OLFM3: variants seen among roughly 807,000 people sequenced by gnomAD.
The protein encoded by OLFM3 is noelin-3.
Under a neutral mutation model 48.6 loss-of-function variants are expected in OLFM3, and 20 were observed. The observed-to-expected ratio is 0.41, with a 90% CI of 0.29 to 0.60. The LOEUF is 0.60. Among genes scored for constraint, OLFM3 ranks in the 20% least tolerant of loss-of-function variants. The probability of loss-of-function intolerance (pLI) is 0.28; values close to 1 mark genes in which losing one functional copy is unlikely to be tolerated. For synonymous variants in OLFM3, 222 were observed against 198.1 expected (o/e 1.12, Z -1.01); for missense variants, 437 against 544.3 (o/e 0.80, Z 1.96).
chr1:101,828,364 A>C (rs1436926691), intron 3 of OLFM3, among the ~76,000 whole-genome samples: 6 of 152,186 alleles, frequency 3.9e-5, no homozygotes, highest in Non-Finnish European at 4.4e-5. Flanking sequence ...TATACCTTGA[A>C]TATGTATAAT....
At chr1:101,886,986 G>C (rs955829164) in intron 1 of OLFM3, among the ~76,000 whole-genome samples, 3 of 151,820 alleles carry the variant, frequency 2.0e-5, no homozygotes, top group Non-Finnish European at 4.4e-5. Context: ...AAATCTTGAG[G>C]GGAATTAATG....
intron 1 of OLFM3, among the ~76,000 whole-genome samples, chr1:101,973,058 A>G (rs1289501900): frequency 6.6e-6 from 1 of 152,240 alleles, no homozygotes; most frequent in Non-Finnish European, 1.5e-5. Flanking sequence ...AAATAAAAAT[A>G]TAGTGCTATG....
intron 1 of OLFM3, among the ~76,000 whole-genome samples, chr1:101,966,497 C>T (rs2101090352): frequency 6.6e-6 from 1 of 152,242 alleles, no homozygotes. Flanking sequence ...GTAAATGAAT[C>T]CTTTATTAAA....
intron 4 of OLFM3, among the ~76,000 whole-genome samples, chr1:101,810,778 C>T (rs1327591): frequency 0.55 from 83,727 of 151,470 alleles, 23,543 homozygotes; most frequent in East Asian, 0.64. Context: ...CAATCTCTTG[C>T]TCTTTAATTC....
intron 4 of OLFM3, among the ~76,000 whole-genome samples, chr1:101,815,690 G>T (rs1654303754): frequency 6.6e-6 from 1 of 152,270 alleles, no homozygotes; most frequent in Middle Eastern, 3.4e-3. Context: ...TTACTCGGAT[G>T]AAATGACTGA....
intron 1 of OLFM3, among the ~76,000 whole-genome samples, chr1:101,883,259 A>G (rs1657606930): frequency 6.6e-6 from 1 of 150,722 alleles, no homozygotes; most frequent in South Asian, 2.1e-4. Flanking sequence ...AAACCTGAAT[A>G]TTTGTCTGCT....
chr1:101,901,606 C>T (rs943556), intron 1 of OLFM3, among the ~76,000 whole-genome samples: 67,830 of 151,690 alleles, frequency 0.45, 15,342 homozygotes, highest in East Asian at 0.59. Context: ...AGGAGGCTAT[C>T]GAAAAAGTCC....
chr1:101,859,789 G>A (rs11164317), intron 1 of OLFM3: 79,730 of 151,746 alleles, frequency 0.53, 21,837 homozygotes, highest in African/African-American at 0.64. Context: ...ATGTTAAGGT[G>A]CAAATGAATC....
At chr1:101,809,097 G>C (rs1198398722) in intron 4 of OLFM3, among the ~76,000 whole-genome samples, 2 of 151,412 alleles carry the variant, frequency 1.3e-5, no homozygotes, top group African/African-American at 4.8e-5. Flanking sequence ...GATCAATCTA[G>C]AAGCTCCAAC....
chr1:101,942,193 C>T (rs1014463388), intron 1 of OLFM3, among the ~76,000 whole-genome samples: 6 of 152,246 alleles, frequency 3.9e-5, no homozygotes, highest in Non-Finnish European at 7.4e-5. Context: ...CCCAGAATAG[C>T]TACATAGATA....
At chr1:101,922,107 G>A (rs556665692) in intron 1 of OLFM3, among the ~76,000 whole-genome samples, 6 of 152,032 alleles carry the variant, frequency 3.9e-5, no homozygotes, top group Non-Finnish European at 7.4e-5. Context: ...ACACAAGAGA[G>A]GGTGTGGTCT....
At chr1:101,930,972 A>T (rs1659427428) in intron 1 of OLFM3, among the ~76,000 whole-genome samples, 1 of 152,196 alleles carries the variant, frequency 6.6e-6, no homozygotes, top group Non-Finnish European at 1.5e-5. Flanking sequence ...GAGCATTTTA[A>T]AGAAATTGAT....
chr1:101,896,115 C>T (rs1056082082), intron 1 of OLFM3, among the ~76,000 whole-genome samples: 1 of 151,908 alleles, frequency 6.6e-6, no homozygotes. Flanking sequence ...ATTCATTTTA[C>T]TTTACGTAGT....
chr1:101,963,544 ACT>A (rs1660525485), intron 1 of OLFM3, among the ~76,000 whole-genome samples: 1 of 107,484 alleles, frequency 9.3e-6, no homozygotes, highest in Non-Finnish European at 2.0e-5. Context: ...GCCTGGCTTG[ACT>A]CTTTTAGGAG....
chr1:101,969,878 T>A (rs556728326), intron 1 of OLFM3, among the ~76,000 whole-genome samples: 49 of 152,100 alleles, frequency 3.2e-4, no homozygotes, highest in Non-Finnish European at 6.0e-4. Flanking sequence ...TATTTCTAAG[T>A]GGAGACTTGA....
intron 1 of OLFM3, among the ~76,000 whole-genome samples, chr1:101,962,486 G>T (rs1660495630): frequency 6.6e-6 from 1 of 152,058 alleles, no homozygotes; most frequent in Non-Finnish European, 1.5e-5. Context: ...ATGATGCATG[G>T]ATTATGACCA....
intron 1 of OLFM3, among the ~76,000 whole-genome samples, chr1:101,939,386 C>A (rs1659720377): frequency 6.6e-6 from 1 of 151,910 alleles, no homozygotes; most frequent in African/African-American, 2.4e-5. Context: ...CAAACATGTT[C>A]ATTGCTCATT....
chr1:101,851,926 G>C (rs1656235356), intron 1 of OLFM3, among the ~76,000 whole-genome samples: 1 of 152,058 alleles, frequency 6.6e-6, no homozygotes, highest in Non-Finnish European at 1.5e-5. Flanking sequence ...TTTAGCTTTA[G>C]GACAGGACAA....
intron 1 of OLFM3, among the ~76,000 whole-genome samples, chr1:101,947,255 T>G (rs912373240): frequency 6.6e-6 from 1 of 152,210 alleles, no homozygotes; most frequent in Non-Finnish European, 1.5e-5. Context: ...AAAGTTTCAC[T>G]CTATGATTTG....
Sources: gnomAD v4.1 joint callset for allele counts (sites outside exome capture counted in the v4.1 genomes callset) on GRCh38, gnomAD v4.1.1 for gene constraint, MANE v1.5 for transcripts, NCBI Gene and HGNC (gene_info 2026-07-23, HGNC 2026-07-21) for gene names.